INVS: variants seen among roughly 807,000 people sequenced by gnomAD.
The protein encoded by INVS is inversin.
Under a neutral mutation model 108.8 loss-of-function variants are expected in INVS, and 86 were observed. That is an observed-to-expected ratio of 0.79 (90% confidence interval 0.66 to 0.95). The LOEUF (loss-of-function observed/expected upper bound fraction) is 0.95, where lower values mean the gene tolerates loss of function less well. Among genes scored for constraint, INVS ranks in the 40% least tolerant of loss-of-function variants. INVS has a pLI of 0.00. For synonymous variants in INVS, 455 were observed against 473.5 expected, an observed-to-expected ratio of 0.96 and a Z score of 0.51; for missense variants, 1,169 against 1,297.4, an observed-to-expected ratio of 0.90 and a Z score of 1.52.
At chr9:100,272,496 C>T (rs1005077220) in intron 11 of INVS, among the ~76,000 whole-genome samples, 1 of 152,094 alleles carries the variant, frequency 6.6e-6, no homozygotes, top group Non-Finnish European at 1.5e-5. Context: ...ATCATGGGCT[C>T]AAATTTACAA....
At chr9:100,261,396 G>T (rs1260327596) in intron 10 of INVS, among the ~76,000 whole-genome samples, 3 of 151,510 alleles carry the variant, frequency 2.0e-5, no homozygotes, top group Non-Finnish European at 2.9e-5. Flanking sequence ...CTTCCAAGTA[G>T]CTGGGACTAC....
At chr9:100,165,344 A>C (rs1829327795) in intron 3 of INVS, among the ~76,000 whole-genome samples, 1 of 152,130 alleles carries the variant, frequency 6.6e-6, no homozygotes, top group African/African-American at 2.4e-5. Context: ...TTATGATGTT[A>C]ACAATTAGTG....
intron 3 of INVS, among the ~76,000 whole-genome samples, chr9:100,166,164 A>G (rs846753): frequency 0.69 from 104,202 of 152,032 alleles, 36,813 homozygotes; most frequent in East Asian, 0.91. Flanking sequence ...TGAGTAATTT[A>G]TCATTAAATG....
chr9:100,121,535 T>C (rs1227332567), intron 2 of INVS, among the ~76,000 whole-genome samples: 1 of 152,228 alleles, frequency 6.6e-6, no homozygotes, highest in Non-Finnish European at 1.5e-5. Flanking sequence ...TTATTTGCCT[T>C]TTAATATCTG....
intron 3 of INVS, among the ~76,000 whole-genome samples, chr9:100,158,140 T>C (rs746950761): frequency 1.3e-5 from 2 of 152,340 alleles, no homozygotes; most frequent in Non-Finnish European, 2.9e-5. Flanking sequence ...ATGATAGTTT[T>C]TCTTTCCTCT....
chr9:100,116,757 A>G (rs776994071), intron 2 of INVS: 116 of 1,299,522 alleles, frequency 8.9e-5, no homozygotes, highest in Middle Eastern at 2.8e-4. Context: ...ATAAAACCCT[A>G]TGTTGTAGCC....
At chr9:100,298,429 A>C (rs1468645597) in intron 16 of INVS, 2 of 649,704 alleles carry the variant, frequency 3.1e-6, no homozygotes, top group African/African-American at 2.0e-5. Context: ...GCCCAGGCTC[A>C]GCTGTGCGTG....
chr9:100,176,204 G>A (rs375251744), intron 3 of INVS: 1 of 310,546 alleles, frequency 3.2e-6, no homozygotes, highest in Non-Finnish European at 6.2e-6. Context: ...CTATCAAGTC[G>A]ATTTTGTGGA....
chr9:100,213,888 G>T (rs1830910472), intron 3 of INVS, among the ~76,000 whole-genome samples: 1 of 152,120 alleles, frequency 6.6e-6, no homozygotes, highest in South Asian at 2.1e-4. Context: ...AATTACCTAA[G>T]TAAAGAGTGG....
intron 3 of INVS, among the ~76,000 whole-genome samples, chr9:100,200,028 T>A (rs1016541055): frequency 5.3e-5 from 8 of 152,184 alleles, no homozygotes; most frequent in African/African-American, 1.7e-4. Flanking sequence ...TTTCTGTTGA[T>A]CTAAACTGAA....
intron 3 of INVS, among the ~76,000 whole-genome samples, chr9:100,195,710 A>G (rs1217710230): frequency 1.3e-5 from 2 of 151,652 alleles, no homozygotes; most frequent in Non-Finnish European, 2.9e-5. Context: ...CTAGTCTCGA[A>G]CTCCTAACCT....
intron 2 of INVS, among the ~76,000 whole-genome samples, chr9:100,111,899 A>T (rs541439111): frequency 1.2e-4 from 18 of 152,294 alleles, no homozygotes; most frequent in African/African-American, 3.8e-4. Flanking sequence ...CCATGAAGCC[A>T]CTGTCCCCCT....
chr9:100,136,439 AT>A (rs1828227507), intron 3 of INVS, among the ~76,000 whole-genome samples: 1 of 152,190 alleles, frequency 6.6e-6, no homozygotes, highest in Admixed American at 6.5e-5. Flanking sequence ...TATAATTCAT[AT>A]ATCCCCACGA....
chr9:100,150,783 T>C (rs977365514), intron 3 of INVS, among the ~76,000 whole-genome samples: 4 of 152,178 alleles, frequency 2.6e-5, no homozygotes, highest in African/African-American at 9.7e-5. Context: ...ACGACATTTT[T>C]CCTATGACCA....
At chr9:100,246,571 ATAC>A (rs762198663) in intron 7 of INVS, 42 bp from the exon 8 acceptor site, 1 of 1,411,082 alleles carries the variant, frequency 7.1e-7, no homozygotes, top group South Asian at 1.2e-5. Context: ...ACCACAGAAA[ATAC>A]TACTGTTTTG....
intron 3 of INVS, among the ~76,000 whole-genome samples, chr9:100,201,034 G>A (rs917403290): frequency 6.6e-6 from 1 of 152,212 alleles, no homozygotes; most frequent in Non-Finnish European, 1.5e-5. Context: ...TACTGCAGCT[G>A]CTAGGCTGGC....
chr9:100,298,401 A>G, intron 16 of INVS: 1 of 849,080 alleles, frequency 1.2e-6, no homozygotes, highest in African/African-American at 1.8e-5. Context: ...CATGAAGAGA[A>G]CACTGAGAGC....
intron 5 of INVS, among the ~76,000 whole-genome samples, chr9:100,234,434 C>G (rs1048991680): frequency 2.0e-5 from 3 of 152,098 alleles, no homozygotes; most frequent in African/African-American, 7.2e-5. Flanking sequence ...TCTTGATTCT[C>G]TACTTGTTTT....
intron 13 of INVS, among the ~76,000 whole-genome samples, chr9:100,290,993 CCCAGCCA>C (rs1311102543): frequency 6.6e-6 from 1 of 151,850 alleles, no homozygotes; most frequent in East Asian, 1.9e-4. Flanking sequence ...GCCCACTGCA[CCCAGCCA>C]GAACAGTTAT....
Sources: allele counts gnomAD v4.1 joint callset (sites outside exome capture counted in the v4.1 genomes callset), GRCh38; gene constraint gnomAD v4.1.1; transcripts MANE v1.5; gene names NCBI Gene and HGNC (gene_info 2026-07-23, HGNC 2026-07-21).